PI4K2A: variants seen among roughly 807,000 people sequenced by gnomAD.
PI4K2A encodes the protein phosphatidylinositol 4-kinase type 2-alpha.
A neutral mutation model predicts 55.0 loss-of-function variants in PI4K2A; 20 were observed. The ratio of observed to expected loss-of-function variants is 0.36; its 90% CI spans 0.26 to 0.53. The LOEUF is 0.53. Ranked by LOEUF, PI4K2A falls within the 20% of genes least tolerant of loss-of-function variation. PI4K2A has a pLI of 0.91. For missense variants in PI4K2A, 463 were observed against 637.1 expected, an observed-to-expected ratio of 0.73 and a Z score of 2.94; for synonymous variants, 235 against 258.5, an observed-to-expected ratio of 0.91 and a Z score of 0.87.
intron 2 of PI4K2A, among the ~76,000 whole-genome samples, chr10:97,652,152 A>G (rs1216791516): frequency 6.6e-6 from 1 of 151,556 alleles, no homozygotes; most frequent in East Asian, 1.9e-4. Flanking sequence ...AAACCTATAG[A>G]CCCCCTTTCC....
intron 2 of PI4K2A, among the ~76,000 whole-genome samples, chr10:97,651,530 A>C (rs922944537): frequency 6.6e-6 from 1 of 152,172 alleles, no homozygotes; most frequent in Admixed American, 6.6e-5. Context: ...ACAGCTAAGA[A>C]CTTCTGCAGG....
chr10:97,666,371 G>A, intron 6 of PI4K2A, 67 bp from the exon 7 acceptor site: 1 of 1,489,574 alleles, frequency 6.7e-7, no homozygotes, highest in African/African-American at 1.4e-5. Flanking sequence ...GCCTTGACTG[G>A]TGGAGGACAC....
At position 97,656,843 on chromosome 10, in the gene PI4K2A, T is replaced by C. The variant is rs1034098630; in HGVS notation, c.791T>C (p.Val264Ala). 7 of 1,614,198 alleles carry C rather than the reference T, an allele frequency of 4.3e-6. No individual in the cohort carries two copies. The highest frequency in any genetic ancestry group is 4.5e-5 in the East Asian group (2 of 44,890). Residue 264 changes from valine to alanine, a missense_variant, in exon 4 of 9, where the codon GTT becomes GCT. Val to Ala is a moderately conservative substitution (Grantham distance 64). Around this residue, in one of 2 missense-constraint regions of PI4K2A, gnomAD observed 277 missense variants for 432.6 expected, o/e 0.64. Coordinates refer to ENST00000370631, the Ensembl canonical transcript of PI4K2A. This position sits in a 1 kb window ranked among gnomAD's most constrained non-coding sequence, Gnocchi z 4.5. Reference sequence around the variant, plus strand: ...CAGGTTGGTTCATTCCAGCTCTTTGTTGAAGGCTACAAAGATGCAGACTAT... The same window carrying C: ...CAGGTTGGTTCATTCCAGCTCTTTGCTGAAGGCTACAAAGATGCAGACTAT...
At chr10:97,661,139 C>T (rs2041581173) in intron 4 of PI4K2A, among the ~76,000 whole-genome samples, 3 of 151,328 alleles carry the variant, frequency 2.0e-5, no homozygotes, top group Non-Finnish European at 1.5e-5. Flanking sequence ...CTACAGGCGC[C>T]CGCCACCACA....
At chr10:97,641,090 G>A (rs1270530858) in exon 1 of PI4K2A, 1 of 1,608,638 alleles carries the variant, frequency 6.2e-7, no homozygotes, top group African/African-American at 1.3e-5. Flanking sequence ...TGGTGCGGCA[G>A]GCCGAGCTGG....
At chr10:97,673,982 T>C (rs1384041829) in exon 9 of PI4K2A, 1 of 471,820 alleles carries the variant, frequency 2.1e-6, no homozygotes, top group East Asian at 3.3e-5. Context: ...TCCAGATGCC[T>C]GGGAAGGAAC....
intron 2 of PI4K2A, among the ~76,000 whole-genome samples, chr10:97,655,390 A>AAAT (rs762558597): frequency 0.035 from 4,867 of 140,624 alleles, 147 homozygotes; most frequent in East Asian, 0.071. Context: ...AAAAAAAAAA[A>AAAT]TTTTTTTTCA....
chr10:97,644,305 C>T (rs558425895), intron 1 of PI4K2A, among the ~76,000 whole-genome samples: 34 of 152,082 alleles, frequency 2.2e-4, no homozygotes, highest in African/African-American at 7.7e-4. Flanking sequence ...GAGCCGAGAT[C>T]GTACCACTGC....
intron 8 of PI4K2A, among the ~76,000 whole-genome samples, chr10:97,668,044 A>G (rs192017267): frequency 5.3e-5 from 8 of 152,322 alleles, no homozygotes; most frequent in Middle Eastern, 3.4e-3. Context: ...GATCTTCCAA[A>G]GCATAGTAAA....
chr10:97,650,431 A>C (rs569422836), intron 1 of PI4K2A, among the ~76,000 whole-genome samples: 1 of 151,854 alleles, frequency 6.6e-6, no homozygotes, highest in South Asian at 2.1e-4. Flanking sequence ...ACAGGTGTGC[A>C]CCACCGCGCC....
At chr10:97,652,456 C>G (rs890253205) in intron 2 of PI4K2A, among the ~76,000 whole-genome samples, 5 of 151,684 alleles carry the variant, frequency 3.3e-5, no homozygotes, top group Admixed American at 1.3e-4. Context: ...CCATGCCTGG[C>G]TAATTTTTTT....
chr10:97,665,175 G>A (rs1023555528), intron 6 of PI4K2A, among the ~76,000 whole-genome samples, 191 bp downstream of exon 6: 8 of 152,074 alleles, frequency 5.3e-5, no homozygotes, highest in African/African-American at 1.9e-4. Flanking sequence ...TCTAATTTTT[G>A]TCTTCTATGA....
At chr10:97,640,970 C>T (rs2041464763) in exon 1 of PI4K2A, 3 of 1,523,572 alleles carry the variant, frequency 2.0e-6, no homozygotes, top group South Asian at 2.4e-5. Flanking sequence ...AGACCCAAAC[C>T]GTGGCGGCGC....
intron 7 of PI4K2A, 143 bp downstream of exon 7, chr10:97,666,714 A>C: frequency 1.4e-6 from 1 of 712,418 alleles, no homozygotes; most frequent in Non-Finnish European, 2.3e-6. Flanking sequence ...AGATTTCCAC[A>C]TGTGGACAGC....
intron 1 of PI4K2A, among the ~76,000 whole-genome samples, chr10:97,642,839 CTTCCTTCCTTCCTTTCTTTCTTTCTT>C (rs1473337801): frequency 1.0e-4 from 2 of 19,118 alleles, no homozygotes; most frequent in Non-Finnish European, 1.9e-4. Context: ...TCCTTCCTTC[CTTCCTTCCTTCCTTTCTTTCTTTCTT>C]TTTCTTTCTT....
chr10:97,651,944 G>A (rs2041531746), intron 2 of PI4K2A, among the ~76,000 whole-genome samples: 1 of 152,126 alleles, frequency 6.6e-6, no homozygotes, highest in African/African-American at 2.4e-5. Flanking sequence ...ATCATTCACT[G>A]AGTACGTGGC....
chr10:97,662,923 C>A (rs1309173282), exon 5 of PI4K2A: 1 of 1,607,800 alleles, frequency 6.2e-7, no homozygotes, highest in Non-Finnish European at 8.5e-7. Flanking sequence ...GCAATGACAA[C>A]TGGCTGATTA....
chr10:97,640,867 C>G (rs2135749565), exon 1 of PI4K2A: 2 of 1,310,898 alleles, frequency 1.5e-6, no homozygotes, highest in Non-Finnish European at 1.9e-6. Context: ...GCGGCGGCGG[C>G]CGGCTCGGGC....
intron 8 of PI4K2A, among the ~76,000 whole-genome samples, chr10:97,672,722 G>GTTTTTTTTTTTTTTTTTTTT (rs201709914): frequency 1.1e-5 from 1 of 94,790 alleles, no homozygotes. Flanking sequence ...CAGAGGGTCT[G>GTTTTTTTTTTTTTTTTTTTT]TTCTTTTTTT....
Sources: gnomAD v4.1 joint callset for allele counts (sites outside exome capture counted in the v4.1 genomes callset) on GRCh38, gnomAD v4.1.1 for gene constraint, gnomAD v4.1.1 regional missense constraint, Gnocchi (gnomAD v3.1) non-coding constraint, MANE v1.5 for transcripts, NCBI Gene and HGNC (gene_info 2026-07-23, HGNC 2026-07-21) for gene names.